ARHGAP44: variants seen among roughly 807,000 people sequenced by gnomAD.
ARHGAP44 encodes the protein rho GTPase-activating protein 44.
Under a neutral mutation model 106.8 loss-of-function variants are expected in ARHGAP44, and 43 were observed. The ratio of observed to expected loss-of-function variants is 0.40; its 90% CI spans 0.32 to 0.52. ARHGAP44 has a LOEUF of 0.52. Among genes scored for constraint, ARHGAP44 ranks in the 20% least tolerant of loss-of-function variants. The pLI is 0.48. For missense variants in ARHGAP44, 866 were observed against 1,050.5 expected (o/e 0.82, Z 2.43); for synonymous variants, 439 against 410.3 (o/e 1.07, Z -0.85).
chr17:12,849,774 A>C (rs1032294365), intron 1 of ARHGAP44, among the ~76,000 whole-genome samples: 4 of 152,006 alleles, frequency 2.6e-5, no homozygotes, highest in African/African-American at 4.8e-5. Flanking sequence ...ATAGGATGGC[A>C]TGTGTCATAA....
chr17:12,841,639 C>CACACACAA (rs1555546108), intron 1 of ARHGAP44, among the ~76,000 whole-genome samples: 28 of 137,466 alleles, frequency 2.0e-4, no homozygotes, highest in African/African-American at 7.9e-4. Flanking sequence ...CACACACACA[C>CACACACAA]AAACAAACAA....
chr17:12,942,507 G>A (rs551065568), intron 8 of ARHGAP44, among the ~76,000 whole-genome samples: 119 of 152,210 alleles, frequency 7.8e-4, no homozygotes, highest in South Asian at 1.9e-3. Flanking sequence ...TATTCATGAA[G>A]GTAATATTTA....
intron 10 of ARHGAP44, among the ~76,000 whole-genome samples, 176 bp downstream of exon 10, chr17:12,944,372 G>A (rs571957789): frequency 5.9e-5 from 9 of 152,230 alleles, no homozygotes; most frequent in African/African-American, 1.7e-4. Context: ...GCCTTTTACC[G>A]TGAGCCTTCA....
At chr17:12,929,629 G>A (rs2038342887) in intron 7 of ARHGAP44, among the ~76,000 whole-genome samples, 1 of 152,194 alleles carries the variant, frequency 6.6e-6, no homozygotes, top group African/African-American at 2.4e-5. Context: ...TCATTCAGAT[G>A]TTTCCCATCT....
intron 16 of ARHGAP44, among the ~76,000 whole-genome samples, chr17:12,968,918 C>T (rs944517063): frequency 6.6e-5 from 10 of 151,918 alleles, no homozygotes; most frequent in African/African-American, 2.4e-4. Flanking sequence ...TACGGGCACC[C>T]ACCACCACGC....
intron 1 of ARHGAP44, among the ~76,000 whole-genome samples, chr17:12,891,381 TG>T (rs1458139671): frequency 1.1e-4 from 16 of 152,238 alleles, no homozygotes; most frequent in Non-Finnish European, 2.9e-5. Flanking sequence ...AAGTTTGAGA[TG>T]GAGGAGCTAG....
At position 12,893,957 on chromosome 17, in the gene ARHGAP44, T is replaced by TA. The variant is rs542578134; in HGVS notation, c.54-982dup. Among the ~76,000 whole-genome samples the TA allele has an allele frequency of 1.1e-3, 164 of 152,290 alleles. 1 individual carries two copies. The highest frequency in any genetic ancestry group is 3.8e-3 in the African/African-American group (159 of 41,562). On this transcript the variant is annotated intron_variant, in intron 1 of 20. Transcript: ENST00000379672. Reference sequence around the variant, plus strand: ...GCCTTCCTTCTCCTTTTCAGGGTCTTACGTTTCTAAACAATCCTAGGTTTT... The same window carrying TA: ...GCCTTCCTTCTCCTTTTCAGGGTCTTAACGTTTCTAAACAATCCTAGGTTTT...
intron 2 of ARHGAP44, among the ~76,000 whole-genome samples, chr17:12,895,698 T>G (rs1479307975): frequency 6.6e-6 from 1 of 152,202 alleles, no homozygotes. Context: ...AGTGTGGTGA[T>G]TCCTCAAGGA....
chr17:12,925,805 C>G (rs1460503503), intron 6 of ARHGAP44, among the ~76,000 whole-genome samples: 2 of 152,184 alleles, frequency 1.3e-5, no homozygotes, highest in African/African-American at 4.8e-5. Context: ...GACAGAGCAG[C>G]CCAACTCTTG....
chr17:12,835,973 G>A (rs1299375236), intron 1 of ARHGAP44, among the ~76,000 whole-genome samples: 1 of 152,120 alleles, frequency 6.6e-6, no homozygotes, highest in Non-Finnish European at 1.5e-5. Context: ...GCATGTGGCA[G>A]GATTTCCTTC....
intron 1 of ARHGAP44, among the ~76,000 whole-genome samples, chr17:12,863,745 C>A (rs2036158159): frequency 6.6e-6 from 1 of 152,216 alleles, no homozygotes; most frequent in African/African-American, 2.4e-5. Flanking sequence ...CTATTCTTAT[C>A]TAATGCTCTC....
rs952609071 is a variant in ARHGAP44, at chr17:12,918,423, T to C, written c.388-1332T>C. 6.8e-4 allele frequency among the ~76,000 whole-genome samples: 103 copies of C among 152,308 alleles called. 2 individuals carry two copies. Among genetic ancestry groups the C allele is most frequent in the African/African-American group, 2.4e-3 (98 of 41,568 alleles). ...GTTCAATTTTCGGCCAATTTTCGTT[T>C]TGCATTCTCACATCCTGCCCTACTT... On this transcript the variant is annotated intron_variant, in intron 5 of 20. Transcript: ENST00000379672.
intron 1 of ARHGAP44, among the ~76,000 whole-genome samples, chr17:12,794,145 A>G (rs996021961): frequency 6.6e-6 from 1 of 152,182 alleles, no homozygotes; most frequent in South Asian, 2.1e-4. Context: ...AGTGAGAAGC[A>G]TACCGAAAGG....
chr17:12,792,562 G>A (rs1396952760), intron 1 of ARHGAP44, among the ~76,000 whole-genome samples: 1 of 152,144 alleles, frequency 6.6e-6, no homozygotes, highest in East Asian at 1.9e-4. Context: ...AAGAGCCCGC[G>A]GTTGCCTGTT....
At position 12,984,606 on chromosome 17, in the gene ARHGAP44, G is replaced by T; in HGVS notation, c.2015G>T (p.Gly672Val). ...GGGGCTATGGCAGACCAGTCCGCTG[G>T]CCAGCCGTCCCCAGTCAGCCTGTCC... Reference protein sequence around the residue: ...QPGAMADQSAGQPSPVSLSPT... With the variant: ...QPGAMADQSAVQPSPVSLSPT... Residue 672 changes from glycine (G) to valine (V), a missense_variant, in exon 20 of 21, where the codon GGC becomes GTC. Transcript: ENST00000379672. 2 of 1,608,218 alleles carry T rather than the reference G, an allele frequency of 1.2e-6. No homozygotes were observed. Among genetic ancestry groups the T allele is most frequent in the African/African-American group, 2.7e-5 (2 of 75,010 alleles).
intron 1 of ARHGAP44, among the ~76,000 whole-genome samples, chr17:12,853,577 G>A (rs368561684): frequency 6.6e-6 from 1 of 152,208 alleles, no homozygotes; most frequent in Non-Finnish European, 1.5e-5. Context: ...GGAGCTGGAG[G>A]CACTGGGGCA....
At chr17:12,872,726 T>C (rs961146991) in intron 1 of ARHGAP44, among the ~76,000 whole-genome samples, 1 of 152,216 alleles carries the variant, frequency 6.6e-6, no homozygotes, top group African/African-American at 2.4e-5. Context: ...TGAGGACTTT[T>C]GTGTCTCTTC....
At chr17:12,824,918 G>A (rs1331979224) in intron 1 of ARHGAP44, among the ~76,000 whole-genome samples, 1 of 151,854 alleles carries the variant, frequency 6.6e-6, no homozygotes, top group Non-Finnish European at 1.5e-5. Context: ...ATTTTCCGTA[G>A]TGCTTGACTA....
intron 1 of ARHGAP44, among the ~76,000 whole-genome samples, chr17:12,871,249 A>G (rs552147854): frequency 9.9e-5 from 15 of 152,248 alleles, no homozygotes; most frequent in Middle Eastern, 3.4e-3. Flanking sequence ...GTAATCCCCA[A>G]TGCTGTAGGT....
Sources: gnomAD v4.1 joint callset for allele counts (sites outside exome capture counted in the v4.1 genomes callset) on GRCh38, gnomAD v4.1.1 for gene constraint, MANE v1.5 for transcripts, NCBI Gene and HGNC (gene_info 2026-07-23, HGNC 2026-07-21) for gene names.